DOCK10: variants seen among roughly 807,000 people sequenced by gnomAD.
DOCK10 encodes the protein dedicator of cytokinesis protein 10.
Under a neutral mutation model 280.1 loss-of-function variants are expected in DOCK10, and 145 were observed. That is an observed-to-expected ratio of 0.52 (90% CI 0.45 to 0.59). The LOEUF (loss-of-function observed/expected upper bound fraction) is 0.59. Among genes scored for constraint, DOCK10 ranks in the 20% least tolerant of loss-of-function variants. DOCK10 has a pLI of 0.00. For missense variants in DOCK10, 2,368 were observed against 2,651.7 expected (o/e 0.89, Z 2.35); for synonymous variants, 915 against 942.2 (o/e 0.97, Z 0.53).
intron 3 of DOCK10, among the ~76,000 whole-genome samples, chr2:224,907,458 C>T (rs185910017): frequency 0.015 from 2,236 of 152,138 alleles, 51 homozygotes; most frequent in African/African-American, 0.051. Context: ...GAGGCTGAGG[C>T]GGGCAGATCA....
Position 224,927,992 on chromosome 2 carries a change from C to T in DOCK10, c.243+3557G>A, listed in dbSNP as rs532786729. Among the ~76,000 whole-genome samples, 59 of 152,238 alleles carry T rather than the reference C, an allele frequency of 3.9e-4. No homozygotes were observed. The South Asian group carries it at 0.012, about 30-fold the overall frequency. On this transcript the variant is annotated intron_variant, in intron 2 of 55. Transcript: ENST00000258390. ...GGGATTGGGGTGGTCATTCTATGAC[C>T]ACTTCACATTGACTCCGTGGAGATT...
chr2:225,028,483 A>G (rs1252722480), intron 1 of DOCK10, among the ~76,000 whole-genome samples: 1 of 152,148 alleles, frequency 6.6e-6, no homozygotes, highest in African/African-American at 2.4e-5. Context: ...TGATACCTTG[A>G]TTTTAGCCTG....
Position 224,797,062 on chromosome 2 carries a change from G to C in DOCK10, c.4729C>G (p.Arg1577Gly). 2.5e-6 allele frequency: 4 copies of C among 1,613,590 alleles called. No homozygotes were observed. The highest frequency in any genetic ancestry group is 3.4e-6 in the Non-Finnish European group (4 of 1,179,680). The change falls in exon 43 of 56, where the codon CGG becomes GGG. Residue 1577 changes from arginine to glycine, a missense_variant. Physicochemically the swap from Arg to Gly is moderately radical, Grantham distance 125 (BLOSUM62 -2). Transcript: ENST00000258390. ...GCTGAGGCTTCTGTCTGAGTTGACC[G>C]TGACCTGTGGTTACAGCATTTTAGG... The part of the protein sequence containing the change: ...EVLKCCNHRS[R>G]STQTEASALL...
At chr2:224,959,785 G>A (rs886624063) in intron 1 of DOCK10, among the ~76,000 whole-genome samples, 6 of 152,150 alleles carry the variant, frequency 3.9e-5, no homozygotes, top group Non-Finnish European at 8.8e-5. Flanking sequence ...AACGGAAGCC[G>A]ACACTGGGAA....
At chr2:224,965,979 C>T (rs1234252299) in intron 1 of DOCK10, among the ~76,000 whole-genome samples, 1 of 152,186 alleles carries the variant, frequency 6.6e-6, no homozygotes, top group Non-Finnish European at 1.5e-5. Context: ...GGGAGAAATG[C>T]TACTTTGGGA....
chr2:224,928,159 A>G (rs893094289), intron 2 of DOCK10, among the ~76,000 whole-genome samples: 1 of 152,234 alleles, frequency 6.6e-6, no homozygotes, highest in Non-Finnish European at 1.5e-5. Context: ...AGCAGGTAAC[A>G]TCAGAGATTT....
rs753628843 is a variant in DOCK10, at chr2:224,852,980, A to G, written c.2031T>C (p.Ile677=). ...PYRVYKNQIY[I]YPKHLKYDSQ... is the part of the protein sequence containing the mutation. ...TATCATACTTGAGGTGTTTGGGGTAAATATAAATTTGATTTTTATATACTC... is the reference window on the plus strand; with the variant it reads ...TATCATACTTGAGGTGTTTGGGGTAGATATAAATTTGATTTTTATATACTC... The change falls in exon 17 of 56, where the codon ATT becomes ATC. Residue 677 remains isoleucine (I), a synonymous_variant. Coordinates refer to ENST00000258390, the MANE Select transcript of DOCK10 (RefSeq NM_014689.3). 6 of 1,609,766 alleles carry G rather than the reference A, an allele frequency of 3.7e-6. No individual in the cohort carries two copies. The Admixed American group carries it at 8.4e-5, about 22-fold the overall frequency.
chr2:224,914,816 T>C (rs753169158), intron 3 of DOCK10, among the ~76,000 whole-genome samples: 2 of 152,144 alleles, frequency 1.3e-5, no homozygotes, highest in Non-Finnish European at 2.9e-5. Context: ...AATATACTTA[T>C]TAGAAAAGAA....
chr2:225,016,667 A>G lies in DOCK10; in HGVS notation c.123+25585T>C, dbSNP rs111355084. 7.0e-3 allele frequency among the ~76,000 whole-genome samples: 601 copies of G among 85,432 alleles called. 43 individuals carry two copies. The highest frequency in any genetic ancestry group is 0.01 in the South Asian group (25 of 2,434). 56.0% of individuals were successfully genotyped at this position (85,432 alleles called of 152,430 possible). A position where few individuals can be genotyped will look rare whatever the true frequency, so the allele number is the denominator to read the frequency against. On this transcript the variant is annotated intron_variant, in intron 1 of 55. Coordinates refer to ENST00000258390, the MANE Select transcript of DOCK10 (RefSeq NM_014689.3). ...TGTGCACATAGATACATAGATACAT[A>G]TATCTATGTGCACATAGATATATGT...
intron 1 of DOCK10, among the ~76,000 whole-genome samples, chr2:225,003,864 T>C (rs1220077907): frequency 2.6e-5 from 4 of 152,178 alleles, no homozygotes; most frequent in Non-Finnish European, 4.4e-5. Flanking sequence ...TCAGTGGCAA[T>C]TGGAGTTTTA....
intron 1 of DOCK10, among the ~76,000 whole-genome samples, chr2:224,986,686 T>G (rs141703868): frequency 6.6e-6 from 1 of 152,138 alleles, no homozygotes; most frequent in African/African-American, 2.4e-5. Context: ...GAAGGTGCTA[T>G]TTGCAAGATA....
At chr2:224,911,362 G>A (rs1701002934) in intron 3 of DOCK10, among the ~76,000 whole-genome samples, 1 of 152,192 alleles carries the variant, frequency 6.6e-6, no homozygotes, top group Non-Finnish European at 1.5e-5. Context: ...GACATTTGAA[G>A]TTGTGAGGTA....
At chr2:224,962,472 A>G (rs2126175505) in intron 1 of DOCK10, among the ~76,000 whole-genome samples, 1 of 152,342 alleles carries the variant, frequency 6.6e-6, no homozygotes, top group South Asian at 2.1e-4. Context: ...ATAACCGATG[A>G]TATCTCTGAT....
At chr2:224,787,162 T>G (rs761281428) in intron 49 of DOCK10, 27 bp from the exon 50 acceptor site, 1 of 1,608,040 alleles carries the variant, frequency 6.2e-7, no homozygotes, top group East Asian at 2.2e-5. Context: ...AAGAGTTTCA[T>G]GAAGATGATG....
At chr2:224,864,283 C>T (rs1256988253) in intron 13 of DOCK10, among the ~76,000 whole-genome samples, 1 of 151,960 alleles carries the variant, frequency 6.6e-6, no homozygotes, top group Admixed American at 6.6e-5. Context: ...CAAGGCAGGC[C>T]GATCACTTGA....
intron 2 of DOCK10, among the ~76,000 whole-genome samples, chr2:224,929,200 T>A (rs974991889): frequency 2.8e-4 from 43 of 152,266 alleles, no homozygotes; most frequent in Non-Finnish European, 5.3e-4. Flanking sequence ...ATCTGGTAAA[T>A]TAATTGGTTT....
chr2:224,933,438 G>T (rs1702511148), intron 1 of DOCK10, among the ~76,000 whole-genome samples: 1 of 152,044 alleles, frequency 6.6e-6, no homozygotes, highest in South Asian at 2.1e-4. Context: ...TCAGCTGTAG[G>T]CCTCAGTAGT....
At chr2:224,984,702 G>T (rs1266133386) in intron 1 of DOCK10, among the ~76,000 whole-genome samples, 1 of 152,184 alleles carries the variant, frequency 6.6e-6, no homozygotes, top group Non-Finnish European at 1.5e-5. Context: ...TTCCAAACAT[G>T]TAGGAAAGTT....
At chr2:224,975,121 G>T (rs1482421370) in intron 1 of DOCK10, among the ~76,000 whole-genome samples, 1 of 151,896 alleles carries the variant, frequency 6.6e-6, no homozygotes, top group Non-Finnish European at 1.5e-5. Flanking sequence ...TTAAAAAGAT[G>T]CAAGATTATC....
Sources: gnomAD v4.1 joint callset for allele counts (sites outside exome capture counted in the v4.1 genomes callset) on GRCh38, gnomAD v4.1.1 for gene constraint, MANE v1.5 for transcripts, NCBI Gene and HGNC (gene_info 2026-07-23, HGNC 2026-07-21) for gene names.